The following KHDRBS2 variants were observed in gnomAD, a reference collection of about 807,000 sequenced individuals.
KHDRBS2 encodes the protein KH domain-containing, RNA-binding, signal transduction-associated protein 2.
KHDRBS2 carries 26 observed loss-of-function variants against 44.3 expected under a neutral mutation model. The ratio of observed to expected loss-of-function variants is 0.59; its 90% CI spans 0.43 to 0.81. The LOEUF is 0.81. Among genes scored for constraint, KHDRBS2 ranks in the 40% least tolerant of loss-of-function variants. The probability of loss-of-function intolerance (pLI) is 0.00; values close to 1 mark genes in which losing one functional copy is unlikely to be tolerated. For synonymous variants in KHDRBS2, 194 were observed against 151.1 expected, an observed-to-expected ratio of 1.28 and a Z score of -2.08; for missense variants, 476 against 433.1, an observed-to-expected ratio of 1.10 and a Z score of -0.88.
At chr6:61,993,411 A>C (rs893228981) in intron 3 of KHDRBS2, among the ~76,000 whole-genome samples, 1 of 152,060 alleles carries the variant, frequency 6.6e-6, no homozygotes, top group Non-Finnish European at 1.5e-5. Flanking sequence ...ATAATAGCTT[A>C]AAATAAAAAG....
chr6:62,174,347 G>A (rs1261835061), intron 2 of KHDRBS2, among the ~76,000 whole-genome samples: 4 of 150,844 alleles, frequency 2.7e-5, no homozygotes, highest in African/African-American at 7.3e-5. Flanking sequence ...TAAACAAAAA[G>A]GTGAAAGATC....
the KHDRBS2 span, among the ~76,000 whole-genome samples, chr6:61,667,806 A>C: frequency 6.6e-6 from 1 of 151,234 alleles, no homozygotes; most frequent in Non-Finnish European, 1.5e-5. Flanking sequence ...TTGCAGGGTG[A>C]AGTGTTTTCT....
intron 6 of KHDRBS2, among the ~76,000 whole-genome samples, chr6:61,751,889 T>C (rs1298628862): frequency 2.3e-5 from 3 of 127,830 alleles, no homozygotes; most frequent in African/African-American, 1.1e-4. Context: ...AGCTTGCAAA[T>C]GGCTGCCTTC....
chr6:61,830,841 A>G (rs1275953600), intron 6 of KHDRBS2, among the ~76,000 whole-genome samples: 3 of 152,204 alleles, frequency 2.0e-5, no homozygotes, highest in Non-Finnish European at 4.4e-5. Flanking sequence ...AGTAAACATG[A>G]TATTAGTGAT....
At chr6:61,597,076 A>G in the KHDRBS2 span, among the ~76,000 whole-genome samples, 16 of 152,342 alleles carry the variant, frequency 1.1e-4, no homozygotes, top group Admixed American at 1.0e-3. Flanking sequence ...GTAAAGGCCT[A>G]GTTAAGGCAT....
chr6:61,592,188 C>T, the KHDRBS2 span, among the ~76,000 whole-genome samples: 2 of 122,276 alleles, frequency 1.6e-5, no homozygotes, highest in Admixed American at 8.5e-5. Flanking sequence ...AAGATCCCAC[C>T]AAAAAAAAAA....
chr6:61,602,350 A>G, the KHDRBS2 span, among the ~76,000 whole-genome samples: 2 of 152,166 alleles, frequency 1.3e-5, no homozygotes, highest in Non-Finnish European at 2.9e-5. Flanking sequence ...TTCCTCCAGG[A>G]CCGCCTACCC....
intron 1 of KHDRBS2, among the ~76,000 whole-genome samples, chr6:62,183,938 G>T (rs1399537159): frequency 6.6e-6 from 1 of 151,566 alleles, no homozygotes; most frequent in Non-Finnish European, 1.5e-5. Flanking sequence ...CATTATAAAT[G>T]GAACACGGAC....
At chr6:62,118,437 T>C (rs367551065) in intron 2 of KHDRBS2, among the ~76,000 whole-genome samples, 78 of 152,292 alleles carry the variant, frequency 5.1e-4, no homozygotes, top group African/African-American at 1.8e-3. Flanking sequence ...CTAAGGAGAA[T>C]GTCATTGATG....
At chr6:61,863,918 A>T (rs1252912713) in intron 6 of KHDRBS2, among the ~76,000 whole-genome samples, 2 of 152,132 alleles carry the variant, frequency 1.3e-5, no homozygotes, top group African/African-American at 4.8e-5. Flanking sequence ...TGGTAGTCTA[A>T]GTCTCTTTGT....
At chr6:62,280,458 A>G (rs969834128) in intron 1 of KHDRBS2, among the ~76,000 whole-genome samples, 4 of 152,168 alleles carry the variant, frequency 2.6e-5, no homozygotes, top group Non-Finnish European at 5.9e-5. Flanking sequence ...AACAGTGGAA[A>G]GTGCAGCCAA....
intron 2 of KHDRBS2, among the ~76,000 whole-genome samples, chr6:62,110,830 A>G (rs561227877): frequency 1.3e-5 from 2 of 152,090 alleles, no homozygotes; most frequent in South Asian, 4.1e-4. Flanking sequence ...ATGTGCAAAT[A>G]TGTAAAATCT....
chr6:61,559,519 G>C, the KHDRBS2 span, among the ~76,000 whole-genome samples: 1 of 152,008 alleles, frequency 6.6e-6, no homozygotes, highest in Non-Finnish European at 1.5e-5. Flanking sequence ...TTTAAAGAAG[G>C]TAATTTTCTC....
the KHDRBS2 span, among the ~76,000 whole-genome samples, chr6:61,571,248 C>T: frequency 8.6e-5 from 13 of 151,886 alleles, no homozygotes; most frequent in Non-Finnish European, 1.5e-4. Context: ...CAAATGGAAA[C>T]CTAAAGCATG....
chr6:61,640,497 G>A, the KHDRBS2 span, among the ~76,000 whole-genome samples: 96 of 152,124 alleles, frequency 6.3e-4, no homozygotes, highest in African/African-American at 2.0e-3. Flanking sequence ...TCCACTGGTC[G>A]CTTAATGTCC....
intron 6 of KHDRBS2, among the ~76,000 whole-genome samples, chr6:61,773,728 T>C (rs1261076400): frequency 6.6e-6 from 1 of 151,878 alleles, no homozygotes; most frequent in East Asian, 1.9e-4. Context: ...CATGCCTATG[T>C]CCTGAATGGT....
At chr6:61,655,573 A>G in the KHDRBS2 span, among the ~76,000 whole-genome samples, 1 of 152,000 alleles carries the variant, frequency 6.6e-6, no homozygotes, top group Non-Finnish European at 1.5e-5. Flanking sequence ...TATTTTTAAG[A>G]CATATTTTTT....
At chr6:61,597,938 C>A in the KHDRBS2 span, among the ~76,000 whole-genome samples, 2 of 144,516 alleles carry the variant, frequency 1.4e-5, no homozygotes, top group African/African-American at 2.5e-5. Context: ...TGGCCTAATA[C>A]CAGCTTTTAA....
intron 8 of KHDRBS2, among the ~76,000 whole-genome samples, chr6:61,689,987 T>C (rs893345377): frequency 1.1e-4 from 16 of 152,090 alleles, no homozygotes; most frequent in African/African-American, 3.9e-4. Flanking sequence ...TCCAGAGCAT[T>C]TAACAATATT....
Sources: allele counts gnomAD v4.1 joint callset (sites outside exome capture counted in the v4.1 genomes callset), GRCh38; gene constraint gnomAD v4.1.1; transcripts MANE v1.5; gene names NCBI Gene and HGNC (gene_info 2026-07-23, HGNC 2026-07-21).